Variants in SMOC2 observed in about 807,000 individuals in gnomAD.
The protein encoded by SMOC2 is SPARC related modular calcium binding 2.
A neutral mutation model predicts 61.4 loss-of-function variants in SMOC2; 39 were observed. The observed-to-expected ratio is 0.64, with a 90% CI of 0.49 to 0.83. The LOEUF (loss-of-function observed/expected upper bound fraction) is 0.83, where lower values mean the gene tolerates loss of function less well. Ranked by LOEUF, SMOC2 falls within the 40% of genes least tolerant of loss-of-function variation. SMOC2 has a pLI of 0.00. For missense variants in SMOC2, 556 were observed against 592.9 expected, an observed-to-expected ratio of 0.94 and a Z score of 0.65; for synonymous variants, 247 against 239.9, an observed-to-expected ratio of 1.03 and a Z score of -0.27.
chr6:168,634,271 G>A (rs1374319520), intron 9 of SMOC2, among the ~76,000 whole-genome samples: 2 of 152,178 alleles, frequency 1.3e-5, no homozygotes, highest in East Asian at 3.9e-4. Flanking sequence ...TAGGAAAAAA[G>A]AATGATACTA....
At chr6:168,640,934 C>T (rs1786878134) in intron 9 of SMOC2, among the ~76,000 whole-genome samples, 1 of 152,194 alleles carries the variant, frequency 6.6e-6, no homozygotes, top group African/African-American at 2.4e-5. Flanking sequence ...TTGGTGTCCT[C>T]ATGAGGCTAG....
At chr6:168,574,601 C>T (rs866665988) in intron 7 of SMOC2, among the ~76,000 whole-genome samples, 1 of 152,102 alleles carries the variant, frequency 6.6e-6, no homozygotes, top group Non-Finnish European at 1.5e-5. Flanking sequence ...GTTTAGAGCT[C>T]GGATTTCTCC....
intron 4 of SMOC2, among the ~76,000 whole-genome samples, chr6:168,528,017 TC>T (rs1783496209): frequency 6.6e-6 from 1 of 152,224 alleles, no homozygotes; most frequent in South Asian, 2.1e-4. Context: ...ATGATTCAGG[TC>T]CCTTAATTGT....
chr6:168,665,756 C>T (rs954215141), intron 12 of SMOC2, among the ~76,000 whole-genome samples: 5 of 152,192 alleles, frequency 3.3e-5, no homozygotes, highest in African/African-American at 9.7e-5. Context: ...GTCTTCTCAC[C>T]TCTTCAGATC....
chr6:168,627,607 A>C (rs1401552272), intron 9 of SMOC2, among the ~76,000 whole-genome samples: 1 of 152,158 alleles, frequency 6.6e-6, no homozygotes, highest in Non-Finnish European at 1.5e-5. Flanking sequence ...CATTCAATGG[A>C]GTGATATATT....
At chr6:168,526,295 C>G (rs769705192) in intron 2 of SMOC2, 51 bp from the exon 3 acceptor site, 3 of 1,505,450 alleles carry the variant, frequency 2.0e-6, no homozygotes, top group Non-Finnish European at 2.8e-6. Flanking sequence ...TATATCTGTT[C>G]TATCTTCTTC....
At chr6:168,532,806 C>T (rs1368500656) in intron 4 of SMOC2, among the ~76,000 whole-genome samples, 1 of 152,154 alleles carries the variant, frequency 6.6e-6, no homozygotes, top group East Asian at 1.9e-4. Flanking sequence ...CATCTTGAGA[C>T]CCCCAGCCTA....
At chr6:168,559,265 G>T (rs1784334949) in intron 7 of SMOC2, among the ~76,000 whole-genome samples, 1 of 152,004 alleles carries the variant, frequency 6.6e-6, no homozygotes, top group African/African-American at 2.4e-5. Context: ...AGACCAGCCT[G>T]GCCAACATGG....
chr6:168,530,122 A>ATT (rs560856581), intron 4 of SMOC2, among the ~76,000 whole-genome samples: 130 of 152,344 alleles, frequency 8.5e-4, no homozygotes, highest in African/African-American at 2.9e-3. Context: ...AGACAATGAG[A>ATT]TTTAAAAAGA....
At chr6:168,487,181 G>C in intron 1 of SMOC2, among the ~76,000 whole-genome samples, 1 of 152,056 alleles carries the variant, frequency 6.6e-6, no homozygotes. Context: ...CTTTTTCCCC[G>C]GCAAAGCTGC....
At chr6:168,462,308 G>A (rs1781735026) in intron 1 of SMOC2, among the ~76,000 whole-genome samples, 1 of 152,162 alleles carries the variant, frequency 6.6e-6, no homozygotes, top group Non-Finnish European at 1.5e-5. Context: ...TGTCCTGGGG[G>A]AAGTTTGACT....
At chr6:168,579,620 G>A (rs1450189021) in intron 7 of SMOC2, among the ~76,000 whole-genome samples, 1 of 152,200 alleles carries the variant, frequency 6.6e-6, no homozygotes, top group Non-Finnish European at 1.5e-5. Context: ...AGGGGAGCTG[G>A]TGAGGGTGTT....
chr6:168,479,258 A>G (rs1047642231), intron 1 of SMOC2, among the ~76,000 whole-genome samples: 1 of 152,242 alleles, frequency 6.6e-6, no homozygotes. Flanking sequence ...TCAGCAATTT[A>G]AGATACAATG....
intron 7 of SMOC2, among the ~76,000 whole-genome samples, chr6:168,595,558 C>T (rs538788839): frequency 4.7e-4 from 71 of 152,254 alleles, no homozygotes; most frequent in African/African-American, 1.5e-3. Context: ...TCCCAGGGGC[C>T]GTCATCAGTT....
In SMOC2 at chr6:168,605,648, C is replaced by T. The variant is rs116519338; in HGVS notation, c.825-2509C>T. Reference sequence around the variant, plus strand: ...AAATGTGGAACAAAACCGAAATGCCCGTCCAGGTGGCTGGCTTCCTGATTG... The same window carrying T: ...AAATGTGGAACAAAACCGAAATGCCTGTCCAGGTGGCTGGCTTCCTGATTG... On this transcript the variant is annotated intron_variant, in intron 8 of 12. Coordinates refer to ENST00000356284, the MANE Select transcript of SMOC2 (RefSeq NM_001166412.2). Among the ~76,000 whole-genome samples, 610 of 152,242 alleles carry T rather than the reference C, an allele frequency of 4.0e-3. 4 individuals carry two copies. Among genetic ancestry groups the T allele is most frequent in the African/African-American group, 0.014 (569 of 41,540 alleles).
intron 9 of SMOC2, among the ~76,000 whole-genome samples, chr6:168,646,900 C>A (rs1787046486): frequency 6.6e-6 from 1 of 152,208 alleles, no homozygotes; most frequent in Admixed American, 6.5e-5. Context: ...AAGCTACTCC[C>A]TTCATTGTTT....
intron 9 of SMOC2, among the ~76,000 whole-genome samples, chr6:168,610,232 C>T (rs760627970): frequency 1.3e-5 from 2 of 152,176 alleles, no homozygotes; most frequent in Non-Finnish European, 1.5e-5. Context: ...TAGATGCTCA[C>T]AATGAAGACG....
At chr6:168,589,411 C>G (rs1445100991) in intron 7 of SMOC2, among the ~76,000 whole-genome samples, 1 of 152,268 alleles carries the variant, frequency 6.6e-6, no homozygotes, top group African/African-American at 2.4e-5. Flanking sequence ...TTCAACCACG[C>G]AGCTGCCAGC....
At chr6:168,455,218 C>T (rs555464316) in intron 1 of SMOC2, among the ~76,000 whole-genome samples, 1 of 152,274 alleles carries the variant, frequency 6.6e-6, no homozygotes, top group East Asian at 1.9e-4. Flanking sequence ...CAGTTGGCCC[C>T]AGAGAGGACC....
Sources: allele counts gnomAD v4.1 joint callset (sites outside exome capture counted in the v4.1 genomes callset), GRCh38; gene constraint gnomAD v4.1.1; transcripts MANE v1.5; gene names NCBI Gene and HGNC (gene_info 2026-07-23, HGNC 2026-07-21).